GABRB3: variants seen among roughly 807,000 people sequenced by gnomAD.
The protein encoded by GABRB3 is gamma-aminobutyric acid receptor subunit beta-3.
A neutral mutation model predicts 52.1 loss-of-function variants in GABRB3; 14 were observed. That is an observed-to-expected ratio of 0.27 (90% CI 0.18 to 0.42). The LOEUF (loss-of-function observed/expected upper bound fraction) is 0.42, where lower values mean the gene tolerates loss of function less well. Ranked by LOEUF, GABRB3 falls within the 10% of genes least tolerant of loss-of-function variation. The pLI is 1.00. For synonymous variants in GABRB3, 260 were observed against 232.3 expected (o/e 1.12, Z -1.08); for missense variants, 307 against 609.1 (o/e 0.50, Z 5.22).
At chr15:26,695,890 CTG>C in intron 3 of GABRB3, among the ~76,000 whole-genome samples, 1 of 152,166 alleles carries the variant, frequency 6.6e-6, no homozygotes, top group East Asian at 1.9e-4. Flanking sequence ...TCCAAGGAAA[CTG>C]TATCTTCAGG....
chr15:26,572,726 A>C (rs1329684405), intron 6 of GABRB3, among the ~76,000 whole-genome samples: 1 of 152,232 alleles, frequency 6.6e-6, no homozygotes, highest in Non-Finnish European at 1.5e-5. Flanking sequence ...AAAATGAAAC[A>C]GAAGCTTGAA....
At chr15:26,609,087 C>T (rs889067211) in intron 4 of GABRB3, among the ~76,000 whole-genome samples, 1 of 120,906 alleles carries the variant, frequency 8.3e-6, no homozygotes. Flanking sequence ...TAATGATACA[C>T]ACACACACAC....
At chr15:26,567,768 AACAACATGGCAG>A (rs1367346023) in intron 6 of GABRB3, 35 bp from the exon 7 acceptor site, 1 of 1,607,016 alleles carries the variant, frequency 6.2e-7, no homozygotes, top group African/African-American at 1.3e-5. Context: ...ACACTGGAGA[AACAACATGGCAG>A]ACTAAAGAGT....
chr15:26,728,626 C>G (rs537422427), intron 3 of GABRB3, among the ~76,000 whole-genome samples: 2 of 152,206 alleles, frequency 1.3e-5, no homozygotes, highest in African/African-American at 4.8e-5. Flanking sequence ...GAGAGATACA[C>G]TTAAAGTGCC....
At chr15:26,614,776 C>T (rs544748772) in intron 4 of GABRB3, 29 of 152,284 alleles carry the variant, frequency 1.9e-4, no homozygotes, top group Non-Finnish European at 3.7e-4. Context: ...GTTCTGGCTT[C>T]ATTTTAATAT....
chr15:26,729,359 C>A (rs138999163), intron 3 of GABRB3, among the ~76,000 whole-genome samples: 139 of 152,218 alleles, frequency 9.1e-4, no homozygotes, highest in African/African-American at 3.3e-3. Context: ...CCTCCACCTT[C>A]CCCCTCCTTG....
At chr15:26,696,611 G>C (rs1028623464) in intron 3 of GABRB3, among the ~76,000 whole-genome samples, 1 of 152,122 alleles carries the variant, frequency 6.6e-6, no homozygotes, top group African/African-American at 2.4e-5. Context: ...CTTGACACTG[G>C]ATCAACAGTT....
intron 3 of GABRB3, among the ~76,000 whole-genome samples, chr15:26,760,827 A>ACACACAC (rs1555383019): frequency 1.3e-5 from 2 of 151,336 alleles, no homozygotes; most frequent in Non-Finnish European, 1.5e-5. Flanking sequence ...ACACACACAC[A>ACACACAC]AGCAAACAAA....
intron 6 of GABRB3, among the ~76,000 whole-genome samples, chr15:26,568,736 T>G (rs1224588749): frequency 2.7e-5 from 4 of 147,980 alleles, no homozygotes; most frequent in Non-Finnish European, 4.5e-5. Context: ...AGACTGGTCT[T>G]GAACTCCCGA....
At position 26,772,445 on chromosome 15, in the gene GABRB3, T is replaced by C. The variant is rs1360593791; in HGVS notation, c.197A>G (p.Asn66Ser). 1 of 1,611,028 alleles carries C rather than the reference T, an allele frequency of 6.2e-7. No homozygotes were observed. ...CATGTCGATGCTGGCGATGTCGATGTTCATCCCCACGCAGACCGGGGGACC... is the reference window on the plus strand; with the variant it reads ...CATGTCGATGCTGGCGATGTCGATGCTCATCCCCACGCAGACCGGGGGACC... ...FGGPPVCVGM[N>S]IDIASIDMVS... Residue 66 changes from asparagine (N) to serine (S), a missense_variant, in exon 3 of 9, where the codon AAC (asparagine) becomes AGC (serine). By Grantham distance (46) the Asn-to-Ser change is conservative. This residue lies in a region of GABRB3 where 31 missense variants were observed against 71.2 expected (regional missense o/e 0.44). Transcript: ENST00000311550.
intron 4 of GABRB3, among the ~76,000 whole-genome samples, chr15:26,583,998 G>A (rs915956132): frequency 5.9e-5 from 9 of 152,082 alleles, no homozygotes; most frequent in Admixed American, 3.9e-4. Context: ...GGATGGTCTC[G>A]ACCTCTTGAC....
At chr15:26,553,229 C>T (rs571632705) in intron 8 of GABRB3, among the ~76,000 whole-genome samples, 2 of 152,336 alleles carry the variant, frequency 1.3e-5, no homozygotes, top group African/African-American at 4.8e-5. Flanking sequence ...CGGCTCACTG[C>T]AAGCTTTGCC....
intron 3 of GABRB3, among the ~76,000 whole-genome samples, chr15:26,681,528 G>A (rs190951406): frequency 8.3e-4 from 127 of 152,230 alleles, no homozygotes; most frequent in Middle Eastern, 6.8e-3. Context: ...ATGGATTCCT[G>A]TCCTTCTCGA....
chr15:26,580,435 A>G lies in GABRB3; in HGVS notation c.566T>C (p.Ile189Thr). The G allele has an allele frequency of 1.9e-6, 3 of 1,614,170 alleles. No individual in the cohort carries two copies. Among genetic ancestry groups the G allele is most frequent in the Non-Finnish European group, 2.5e-6 (3 of 1,180,032 alleles). The change falls in exon 6 of 9, where the codon ATT becomes ACT. Residue 189 changes from isoleucine (I) to threonine (T), a missense_variant. Ile to Thr is a moderately conservative substitution (Grantham distance 89). Around this residue, in one of 6 missense-constraint regions of GABRB3, gnomAD observed 16 missense variants for 102.6 expected, o/e 0.16. Transcript: ENST00000311550. ...IESYGYTTDD[I>T]EFYWRGGDKA... ...GTCCCCGCCTCGCCAGTAAAACTCA[A>G]TGTCATCCGTGGTGTAGCCATCTGC...
chr15:26,547,749 C>T lies in GABRB3; in HGVS notation c.*44G>A, dbSNP rs1349223148. On this transcript the variant is annotated 3_prime_UTR_variant, in exon 9 of 9. Coordinates refer to ENST00000311550, the MANE Select transcript of GABRB3 (RefSeq NM_000814.6). ...AAACTTGACAGGCAGAGTAATATTTCACTCAGTGTTAAATGAAGTCTTTGA... is the reference window on the plus strand; with the variant it reads ...AAACTTGACAGGCAGAGTAATATTTTACTCAGTGTTAAATGAAGTCTTTGA... 1 of 1,498,134 alleles carries T rather than the reference C, an allele frequency of 6.7e-7. No homozygotes were observed. The highest frequency in any genetic ancestry group is 1.7e-5 in the Admixed American group (1 of 59,860). 92.8% of individuals were successfully genotyped at this position (1,498,134 alleles called of 1,614,324 possible).
chr15:26,619,692 A>T (rs1056798608), intron 4 of GABRB3, among the ~76,000 whole-genome samples: 2 of 152,010 alleles, frequency 1.3e-5, no homozygotes, highest in African/African-American at 4.8e-5. Context: ...AATAAATAAA[A>T]AATAAAGAAT....
rs553254741 is a variant in GABRB3 at position 26,702,834 on chromosome 15, C to T, written c.240+69568G>A. Among the ~76,000 whole-genome samples, 23 of 152,262 alleles carry T rather than the reference C, an allele frequency of 1.5e-4. No homozygotes were observed. The South Asian group carries it at 3.5e-3, about 23-fold the overall frequency. On this transcript the variant is annotated intron_variant, in intron 3 of 8. Transcript: ENST00000311550. ...TCTTAATCCATTTAGGCAGTTACAA[C>T]GAAATAGCTGTAACAAAATACCATA...
chr15:26,551,525 G>T (rs1246612735), intron 8 of GABRB3, among the ~76,000 whole-genome samples: 1 of 152,146 alleles, frequency 6.6e-6, no homozygotes, highest in African/African-American at 2.4e-5. Flanking sequence ...CGCAGCTCAG[G>T]GGCTGGGGAA....
chr15:26,724,845 A>G (rs1330181293), intron 3 of GABRB3, among the ~76,000 whole-genome samples: 2 of 152,018 alleles, frequency 1.3e-5, no homozygotes, highest in Non-Finnish European at 2.9e-5. Flanking sequence ...CCCCCCCTCA[A>G]AGTATCTGTT....
Sources: allele counts gnomAD v4.1 joint callset (sites outside exome capture counted in the v4.1 genomes callset), GRCh38; gene constraint gnomAD v4.1.1; regional missense constraint gnomAD v4.1.1; transcripts MANE v1.5; gene names NCBI Gene and HGNC (gene_info 2026-07-23, HGNC 2026-07-21).